Variants in CSMD1 observed in about 807,000 individuals in gnomAD.
The protein encoded by CSMD1 is CUB and Sushi multiple domains 1.
In CSMD1, 213 loss-of-function variants were observed where a neutral mutation model predicts 417.5. The observed-to-expected ratio is 0.51, with a 90% CI of 0.46 to 0.57. The LOEUF (loss-of-function observed/expected upper bound fraction) is 0.57. CSMD1 is among the 20% of genes least tolerant of loss of function. The pLI is 0.00. For synonymous variants in CSMD1, 2,862 were observed against 1,736.8 expected (o/e 1.65, Z -16.11); for missense variants, 6,923 against 4,529.7 (o/e 1.53, Z -15.17).
intron 3 of CSMD1, among the ~76,000 whole-genome samples, chr8:4,412,137 G>C (rs1402560392): frequency 6.6e-6 from 1 of 152,068 alleles, no homozygotes; most frequent in Non-Finnish European, 1.5e-5. Context: ...CAAATGATTA[G>C]CTAAATATCT....
At chr8:3,267,990 C>A (rs141726364) in intron 26 of CSMD1, among the ~76,000 whole-genome samples, 1 of 152,208 alleles carries the variant, frequency 6.6e-6, no homozygotes, top group East Asian at 1.9e-4. Context: ...GGGTCATTGC[C>A]CTGTGTGGGC....
At chr8:4,346,561 C>T (rs1351611541) in intron 3 of CSMD1, among the ~76,000 whole-genome samples, 2 of 152,042 alleles carry the variant, frequency 1.3e-5, no homozygotes, top group African/African-American at 4.8e-5. Flanking sequence ...TGGGCTTGAG[C>T]GTGCTTTTCG....
chr8:4,698,248 T>C (rs1371603188), intron 1 of CSMD1, among the ~76,000 whole-genome samples: 1 of 152,122 alleles, frequency 6.6e-6, no homozygotes, highest in African/African-American at 2.4e-5. Context: ...ATTAAACATT[T>C]TAGTCAACAT....
chr8:4,671,918 T>G (rs1000491419), intron 1 of CSMD1, among the ~76,000 whole-genome samples: 1 of 152,116 alleles, frequency 6.6e-6, no homozygotes, highest in Non-Finnish European at 1.5e-5. Context: ...AGCATGCCAG[T>G]GGAGTGGGTC....
intron 37 of CSMD1, 26 bp downstream of exon 37, chr8:3,181,084 C>T (rs750396153): frequency 2.1e-6 from 3 of 1,397,454 alleles, no homozygotes; most frequent in Admixed American, 1.7e-5. Flanking sequence ...ACAGTGGAAG[C>T]TGTATACAGA....
intron 54 of CSMD1, among the ~76,000 whole-genome samples, chr8:2,993,601 G>C (rs969463414): frequency 6.6e-6 from 1 of 152,120 alleles, no homozygotes; most frequent in Non-Finnish European, 1.5e-5. Context: ...CAAGAATAAA[G>C]CTGAATTTTC....
At chr8:3,285,448 A>C (rs1247565700) in intron 25 of CSMD1, among the ~76,000 whole-genome samples, 3 of 150,706 alleles carry the variant, frequency 2.0e-5, no homozygotes, top group African/African-American at 7.3e-5. Context: ...GTGCAGTGTC[A>C]TGATCTTGGC....
At chr8:4,159,351 TTTTA>T (rs1797016252) in intron 3 of CSMD1, among the ~76,000 whole-genome samples, 2 of 152,176 alleles carry the variant, frequency 1.3e-5, no homozygotes, top group Admixed American at 6.5e-5. Flanking sequence ...GAGGAAATAT[TTTTA>T]TTTGTGATTC....
intron 1 of CSMD1, among the ~76,000 whole-genome samples, chr8:4,777,812 G>A (rs147278597): frequency 1.6e-4 from 25 of 152,328 alleles, no homozygotes; most frequent in Admixed American, 5.2e-4. Flanking sequence ...AGCATGTGGT[G>A]TTTCAGACTT....
chr8:4,083,585 T>C (rs1800258752), intron 3 of CSMD1, among the ~76,000 whole-genome samples: 3 of 152,106 alleles, frequency 2.0e-5, no homozygotes, highest in Admixed American at 2.0e-4. Flanking sequence ...AAAGAAGAAA[T>C]GGGGAAAGGA....
chr8:3,509,514 A>G (rs1302052951), intron 10 of CSMD1, among the ~76,000 whole-genome samples: 1 of 152,238 alleles, frequency 6.6e-6, no homozygotes, highest in Non-Finnish European at 1.5e-5. Context: ...TTTAAAATGA[A>G]GAAGGTAGGC....
intron 1 of CSMD1, among the ~76,000 whole-genome samples, chr8:4,870,358 T>G (rs370884429): frequency 6.6e-6 from 1 of 152,144 alleles, no homozygotes; most frequent in Non-Finnish European, 1.5e-5. Context: ...TGCACTGCTA[T>G]TTATTTCACC....
chr8:3,363,942 C>T (rs1313543124), intron 20 of CSMD1, among the ~76,000 whole-genome samples: 1 of 152,036 alleles, frequency 6.6e-6, no homozygotes, highest in Non-Finnish European at 1.5e-5. Context: ...TCTTTTTCTA[C>T]AATATTACCG....
chr8:4,046,701 A>G, intron 3 of CSMD1, among the ~76,000 whole-genome samples: 1 of 152,240 alleles, frequency 6.6e-6, no homozygotes, highest in East Asian at 1.9e-4. Context: ...AAAAGGATGT[A>G]GATATTATTT....
chr8:3,782,564 G>A (rs906649376), intron 5 of CSMD1, among the ~76,000 whole-genome samples: 8 of 152,136 alleles, frequency 5.3e-5, no homozygotes, highest in Non-Finnish European at 7.3e-5. Flanking sequence ...GTTGATGGGC[G>A]CAGCAAACCA....
At chr8:3,483,489 T>C (rs1026609348) in intron 11 of CSMD1, among the ~76,000 whole-genome samples, 1 of 152,018 alleles carries the variant, frequency 6.6e-6, no homozygotes, top group African/African-American at 2.4e-5. Context: ...GTATAACATG[T>C]TCACCAAAAA....
chr8:4,575,123 T>C (rs571492101), intron 2 of CSMD1, among the ~76,000 whole-genome samples: 1 of 152,318 alleles, frequency 6.6e-6, no homozygotes, highest in East Asian at 1.9e-4. Context: ...TAGTTCATTC[T>C]TTCATTCAAT....
At chr8:4,539,318 T>C (rs1797264387) in intron 2 of CSMD1, among the ~76,000 whole-genome samples, 1 of 152,214 alleles carries the variant, frequency 6.6e-6, no homozygotes, top group Non-Finnish European at 1.5e-5. Context: ...TTTTAAGACA[T>C]TTTCAGTCTA....
intron 12 of CSMD1, among the ~76,000 whole-genome samples, chr8:3,462,462 A>C (rs1479113906): frequency 6.6e-6 from 1 of 152,180 alleles, no homozygotes; most frequent in Middle Eastern, 3.4e-3. Context: ...GCAACATTAC[A>C]TTCTCCTAGG....
Sources: gnomAD v4.1 joint callset for allele counts (sites outside exome capture counted in the v4.1 genomes callset) on GRCh38, gnomAD v4.1.1 for gene constraint, MANE v1.5 for transcripts, NCBI Gene and HGNC (gene_info 2026-07-23, HGNC 2026-07-21) for gene names.